Variants in LEMD3 observed in about 807,000 individuals in gnomAD.
LEMD3 encodes the protein inner nuclear membrane protein Man1.
In LEMD3, 33 loss-of-function variants were observed where a neutral mutation model predicts 95.2. The ratio of observed to expected loss-of-function variants is 0.35; its 90% CI spans 0.26 to 0.46. The LOEUF (loss-of-function observed/expected upper bound fraction) is 0.46, where lower values mean the gene tolerates loss of function less well. Ranked by LOEUF, LEMD3 falls within the 20% of genes least tolerant of loss-of-function variation. The pLI is 1.00. For synonymous variants in LEMD3, 525 were observed against 474.6 expected, an observed-to-expected ratio of 1.11 and a Z score of -1.38; for missense variants, 1,210 against 1,192.8, an observed-to-expected ratio of 1.01 and a Z score of -0.21.
chr12:65,178,446 C>T (rs1035288847), intron 1 of LEMD3, among the ~76,000 whole-genome samples: 3 of 152,168 alleles, frequency 2.0e-5, no homozygotes, highest in Non-Finnish European at 4.4e-5. Context: ...TATCAGAGAA[C>T]CTGGGCTTCA....
chr12:65,206,704 AATACTTCCC>A (rs1302520956), intron 1 of LEMD3, among the ~76,000 whole-genome samples: 1 of 152,120 alleles, frequency 6.6e-6, no homozygotes, highest in African/African-American at 2.4e-5. Context: ...TATCACGGAA[AATACTTCCC>A]TAGACTACAA....
intron 12 of LEMD3, 84 bp from the exon 13 acceptor site, chr12:65,246,078 C>A: frequency 7.9e-7 from 1 of 1,260,464 alleles, no homozygotes; most frequent in Non-Finnish European, 1.1e-6. Flanking sequence ...ATGTTTTGTG[C>A]TCATATGTCT....
intron 1 of LEMD3, among the ~76,000 whole-genome samples, chr12:65,207,027 A>G (rs12823258): frequency 0.013 from 2,034 of 152,250 alleles, 23 homozygotes; most frequent in Non-Finnish European, 0.02. Context: ...CAAGGAAGCA[A>G]CTTAACCTCA....
intron 1 of LEMD3, among the ~76,000 whole-genome samples, chr12:65,204,619 G>A (rs754492101): frequency 5.9e-5 from 9 of 152,012 alleles, no homozygotes; most frequent in South Asian, 2.1e-4. Context: ...TTGCTATTGC[G>A]AATAGTGCTG....
chr12:65,239,380 T>C (rs920934976), intron 6 of LEMD3, among the ~76,000 whole-genome samples: 2 of 152,046 alleles, frequency 1.3e-5, no homozygotes, highest in Non-Finnish European at 2.9e-5. Flanking sequence ...ACCCTACCTC[T>C]ACAAAAAAAT....
intron 1 of LEMD3, among the ~76,000 whole-genome samples, chr12:65,185,699 A>C (rs1468514645): frequency 3.3e-5 from 5 of 150,870 alleles, no homozygotes; most frequent in Admixed American, 3.3e-4. Flanking sequence ...TATATATAGC[A>C]TTTATTTTCA....
intron 1 of LEMD3, among the ~76,000 whole-genome samples, chr12:65,172,602 GA>G (rs562292539): frequency 1.3e-5 from 2 of 151,498 alleles, no homozygotes; most frequent in South Asian, 4.2e-4. Context: ...ATATTTGGGA[GA>G]AAAAAAATAA....
rs369724559 is a variant in LEMD3 at position 65,229,654 on chromosome 12, A to T, written c.1696-8848A>T. On this transcript the variant is annotated intron_variant, in intron 4 of 12. Transcript: ENST00000308330. ...ATTCATATGTTGGGCATTTTTCCAT[A>T]TGCCTGTTGGTTGTTTGTATGTCTT... is the stretch of plus-strand genomic sequence containing the variant. 3.3e-5 allele frequency among the ~76,000 whole-genome samples: 5 copies of T among 152,202 alleles called. No individual in the cohort carries two copies. The East Asian group carries it at 9.7e-4, about 29-fold the overall frequency.
chr12:65,183,009 T>C (rs2136320258), intron 1 of LEMD3, among the ~76,000 whole-genome samples: 1 of 152,278 alleles, frequency 6.6e-6, no homozygotes, highest in Non-Finnish European at 1.5e-5. Context: ...TTAAAGTACA[T>C]TAGGATCTTC....
chr12:65,222,751 A>AT (rs750582004), intron 4 of LEMD3, among the ~76,000 whole-genome samples: 5 of 150,238 alleles, frequency 3.3e-5, no homozygotes, highest in Admixed American at 6.6e-5. Flanking sequence ...CTCATTTGAG[A>AT]TTTTTTTTTC....
Position 65,170,483 on chromosome 12 carries a change from C to G in LEMD3, c.887C>G (p.Pro296Arg), listed in dbSNP as rs750988811. 36 of 1,613,888 alleles carry G rather than the reference C, an allele frequency of 2.2e-5. No individual in the cohort carries two copies. The highest frequency in any genetic ancestry group is 3.3e-4 in the Middle Eastern group (2 of 6,082). Residue 296 changes from proline (P) to arginine (R), a missense_variant, in exon 1 of 13, where the codon CCG (proline) becomes CGG (arginine). This residue lies in a region of LEMD3 where 749 missense variants were observed against 622.9 expected (regional missense o/e 1.20). Transcript: ENST00000308330. ...PRRTHSKPLPPLTAKSAGGRL... is the reference protein window; with the variant it reads ...PRRTHSKPLPRLTAKSAGGRL... ...CGAACCCATAGTAAGCCTCTCCCCC[C>G]GCTGACTGCTAAATCGGCCGGCGGC... is the stretch of plus-strand genomic sequence containing the variant.
intron 1 of LEMD3, among the ~76,000 whole-genome samples, chr12:65,189,459 G>A (rs1054814816): frequency 6.6e-6 from 1 of 152,168 alleles, no homozygotes; most frequent in African/African-American, 2.4e-5. Context: ...TCTGGTTATG[G>A]CAATGGGCAT....
chr12:65,221,684 A>G (rs1870293659), intron 4 of LEMD3, among the ~76,000 whole-genome samples: 1 of 150,340 alleles, frequency 6.7e-6, no homozygotes, highest in Admixed American at 6.6e-5. Context: ...AGAGATAGAG[A>G]TGGGAAAAAT....
chr12:65,221,457 A>AAGTTATCC (rs1870285287), intron 4 of LEMD3, among the ~76,000 whole-genome samples: 4 of 151,734 alleles, frequency 2.6e-5, no homozygotes, highest in Non-Finnish European at 5.9e-5. Context: ...TCCTGGGCTC[A>AAGTTATCC]AGTTATCCTC....
intron 1 of LEMD3, among the ~76,000 whole-genome samples, chr12:65,195,124 A>G (rs903811671): frequency 6.6e-6 from 1 of 152,008 alleles, no homozygotes; most frequent in Non-Finnish European, 1.5e-5. Flanking sequence ...CAAATACTGT[A>G]TTTTTGACCC....
chr12:65,233,949 A>C (rs1301181352), intron 4 of LEMD3, among the ~76,000 whole-genome samples: 3 of 152,112 alleles, frequency 2.0e-5, no homozygotes, highest in African/African-American at 7.2e-5. Flanking sequence ...ATATACTTCA[A>C]ATTTAGAAAG....
rs1171706683 is a variant in LEMD3 at position 65,170,360 on chromosome 12, G to A, written c.764G>A (p.Arg255Gln). 12 of 1,612,060 alleles carry A rather than the reference G, an allele frequency of 7.4e-6. No homozygotes were observed. Among genetic ancestry groups the A allele is most frequent in the Non-Finnish European group, 9.3e-6 (11 of 1,179,158 alleles). ...AGCCGGCTTGTCCCCTACAGCTGCC[G>A]GGAAAACTATTCGGACTCAGAGGAA... is the stretch of plus-strand genomic sequence containing the variant. ...NGSRLVPYSCRENYSDSEEED... is the reference protein window; with the variant it reads ...NGSRLVPYSCQENYSDSEEED... The change falls in exon 1 of 13, where the codon CGG becomes CAG. Residue 255 changes from arginine to glutamine, a missense_variant. Physicochemically the swap from Arg to Gln is conservative, Grantham distance 43. Around this residue, in one of 2 missense-constraint regions of LEMD3, gnomAD observed 749 missense variants for 622.9 expected, o/e 1.20. Coordinates refer to ENST00000308330, the MANE Select transcript of LEMD3 (RefSeq NM_014319.5).
Position 65,195,300 on chromosome 12 carries a change from C to T in LEMD3, c.1523-15626C>T, listed in dbSNP as rs140256802. On this transcript the variant is annotated intron_variant, in intron 1 of 12. Coordinates refer to ENST00000308330, the MANE Select transcript of LEMD3 (RefSeq NM_014319.5). ...CGAAAAATATCACAAAAATGTAACACATGTACGTAAATATATAGGCAGATA... is the reference window on the plus strand; with the variant it reads ...CGAAAAATATCACAAAAATGTAACATATGTACGTAAATATATAGGCAGATA... 2.1e-3 allele frequency among the ~76,000 whole-genome samples: 320 copies of T among 152,034 alleles called. 1 individual carries two copies. The highest frequency in any genetic ancestry group is 7.4e-3 in the African/African-American group (308 of 41,464).
At position 65,246,268 on chromosome 12, in the gene LEMD3, C is replaced by G. The variant is rs1263295516; in HGVS notation, c.2679C>G (p.Asn893Lys). 6.2e-7 allele frequency: 1 copy of G among 1,613,440 alleles called. No individual in the cohort carries two copies. The highest frequency in any genetic ancestry group is 1.7e-5 in the Admixed American group (1 of 60,020). ...TPLKPSNKHMNSMSHLRLRTG... is the reference protein window; with the variant it reads ...TPLKPSNKHMKSMSHLRLRTG... ...TGAAGCCATCAAATAAACATATGAA[C>G]TCCATGTCTCATCTTCGTCTTCGGA... The change falls in exon 13 of 13, where the codon AAC becomes AAG. Residue 893 changes from asparagine (N) to lysine (K), a missense_variant. Asn to Lys is a moderately conservative substitution (Grantham distance 94, BLOSUM62 0). Around this residue, in one of 2 missense-constraint regions of LEMD3, gnomAD observed 461 missense variants for 569.8 expected, o/e 0.81. Coordinates refer to ENST00000308330, the MANE Select transcript of LEMD3 (RefSeq NM_014319.5).
Sources: gnomAD v4.1 joint callset for allele counts (sites outside exome capture counted in the v4.1 genomes callset) on GRCh38, gnomAD v4.1.1 for gene constraint, gnomAD v4.1.1 regional missense constraint, MANE v1.5 for transcripts, NCBI Gene and HGNC (gene_info 2026-07-23, HGNC 2026-07-21) for gene names.